Variants in KLHL15 observed in about 807,000 individuals in gnomAD.
The protein encoded by KLHL15 is kelch-like protein 15.
In KLHL15, 1 loss-of-function variant was observed where a neutral mutation model predicts 29.3. That is an observed-to-expected ratio of 0.03 (90% CI 0.01 to 0.16). The LOEUF (loss-of-function observed/expected upper bound fraction) is 0.16, where lower values mean the gene tolerates loss of function less well. Ranked by LOEUF, KLHL15 falls within the 10% of genes least tolerant of loss-of-function variation. The pLI is 1.00. For synonymous variants in KLHL15, 212 were observed against 184.5 expected, an observed-to-expected ratio of 1.15 and a Z score of -1.21; for missense variants, 215 against 478.5, an observed-to-expected ratio of 0.45 and a Z score of 5.14.
chrX:24,009,187 T>C lies in KLHL15; in HGVS notation c.-7-2487A>G, dbSNP rs769790681. Reference sequence around the variant, plus strand: ...CAGCCTGGGCAACATGGTAAAACCCTGTCTCTACTAAAAATACAAAAATTA... The same window carrying C: ...CAGCCTGGGCAACATGGTAAAACCCCGTCTCTACTAAAAATACAAAAATTA... On this transcript the variant is annotated intron_variant, in intron 2 of 3. Coordinates refer to ENST00000328046, the MANE Select transcript of KLHL15 (RefSeq NM_030624.3). Among the ~76,000 whole-genome samples, 4 of 109,646 alleles carry C rather than the reference T, an allele frequency of 3.6e-5. No individual in the cohort carries two copies. In the East Asian group the frequency reaches 1.2e-3, roughly 32 times the overall value.
intron 3 of KLHL15, among the ~76,000 whole-genome samples, chrX:24,003,463 G>A (rs1248617854): frequency 9.3e-6 from 1 of 107,313 alleles, no homozygotes; most frequent in Admixed American, 1.0e-4. Context: ...TGAGGCAGGA[G>A]AATGGCGTGA....
chrX:24,008,344 G>A lies in KLHL15; in HGVS notation c.-7-1644C>T, dbSNP rs1041555381. Among the ~76,000 whole-genome samples the A allele has an allele frequency of 6.3e-5, 7 of 111,699 alleles. No individual in the cohort carries two copies. In the East Asian group the frequency reaches 1.1e-3, roughly 18 times the overall value. On this transcript the variant is annotated intron_variant, in intron 2 of 3. Transcript: ENST00000328046. ...CAACCTCCGCCTCCCGGGTTCAAGC[G>A]ATTCTTGTGCCTCAGCCTCCCGAGT...
chrX:23,990,213 G>A (rs182196695), intron 3 of KLHL15, among the ~76,000 whole-genome samples: 8 of 111,607 alleles, frequency 7.2e-5, no homozygotes, highest in East Asian at 2.8e-4. Flanking sequence ...AAAAATAAGC[G>A]TAAGATGTGA....
chrX:24,020,217 C>T (rs775327021), intron 2 of KLHL15, among the ~76,000 whole-genome samples: 1 of 111,957 alleles, frequency 8.9e-6, no homozygotes, highest in Non-Finnish European at 1.9e-5. Context: ...CTTCTGTAAC[C>T]CATAAAGTAA....
chrX:24,002,762 G>A (rs369192636), intron 3 of KLHL15, among the ~76,000 whole-genome samples: 1 of 110,837 alleles, frequency 9.0e-6, no homozygotes, highest in African/African-American at 3.3e-5. Flanking sequence ...CCCAGTAGCT[G>A]GGACTCCAGG....
rs753633152 is a variant in KLHL15, at chrX:23,995,692, T to C, written c.706-6662A>G. ...TGCCTGCCTCAGCCTTCCGAAGTACTGGGATTACAGGCATGAGCCACCGTG... is the reference window on the plus strand; with the variant it reads ...TGCCTGCCTCAGCCTTCCGAAGTACCGGGATTACAGGCATGAGCCACCGTG... On this transcript the variant is annotated intron_variant, in intron 3 of 3. Coordinates refer to ENST00000328046, the MANE Select transcript of KLHL15 (RefSeq NM_030624.3). Among the ~76,000 whole-genome samples the C allele has an allele frequency of 3.8e-3, 419 of 110,902 alleles. 4 individuals are homozygous for C. The highest frequency in any genetic ancestry group is 0.013 in the African/African-American group (401 of 30,500).
intron 2 of KLHL15, among the ~76,000 whole-genome samples, chrX:24,009,749 G>A (rs906883601): frequency 1.9e-5 from 2 of 106,060 alleles, no homozygotes; most frequent in East Asian, 5.9e-4. Context: ...CAACACTTTG[G>A]GAGGCTGAGG....
chrX:23,987,801 CAAT>C lies in KLHL15; in HGVS notation c.*117_*119del, dbSNP rs1929012270. 3 of 670,536 alleles carry C rather than the reference CAAT, an allele frequency of 4.5e-6. No individual in the cohort carries two copies. In the East Asian group the frequency reaches 1.1e-4, roughly 24 times the overall value. 55.3% of individuals were successfully genotyped at this position (670,536 alleles called of 1,213,427 possible). ...GCTAGCACAGAATGAAAAATTCTTACAATGTTAGACCAATGGCTTTGATAGTAA... is the reference window on the plus strand; with the variant it reads ...GCTAGCACAGAATGAAAAATTCTTACGTTAGACCAATGGCTTTGATAGTAA... On this transcript the variant is annotated 3_prime_UTR_variant, in exon 4 of 4. Transcript: ENST00000328046.
At chrX:24,020,622 A>G (rs1329031972) in intron 2 of KLHL15, among the ~76,000 whole-genome samples, 5 of 111,053 alleles carry the variant, frequency 4.5e-5, no homozygotes, top group Admixed American at 2.9e-4. Context: ...CTTGAATGCT[A>G]TTTTTCATCA....
chrX:24,023,147 C>T (rs1929847937), intron 2 of KLHL15, among the ~76,000 whole-genome samples: 2 of 111,837 alleles, frequency 1.8e-5, no homozygotes, highest in South Asian at 7.4e-4. Flanking sequence ...CCCAGTTTTA[C>T]ATGCAGATTA....
chrX:23,993,836 C>G (rs898167134), intron 3 of KLHL15, among the ~76,000 whole-genome samples: 2 of 108,933 alleles, frequency 1.8e-5, no homozygotes, highest in Non-Finnish European at 3.8e-5. Flanking sequence ...TGAGACCAGC[C>G]TGGGCAACAT....
chrX:23,989,273 C>G (rs779636989), intron 3 of KLHL15, among the ~76,000 whole-genome samples: 1 of 108,865 alleles, frequency 9.2e-6, no homozygotes, highest in African/African-American at 3.3e-5. Context: ...TCACCGCAAG[C>G]TCCGCCTCCC....
rs1406201499 is a variant in KLHL15 at position 23,986,016 on chromosome X, G to C, written c.*1905C>G. On this transcript the variant is annotated 3_prime_UTR_variant, in exon 4 of 4. Transcript: ENST00000328046. ...CAAATTTCATGTTTGGAAACTGTAA[G>C]TAAATGACAGGACTAGTTAATGAAA... is the stretch of plus-strand genomic sequence containing the variant. 2 of 111,321 alleles carry C rather than the reference G, an allele frequency of 1.8e-5. No individual in the cohort carries two copies. The highest frequency in any genetic ancestry group is 3.8e-5 in the Non-Finnish European group (2 of 53,004). 9.2% of individuals were successfully genotyped at this position (111,321 alleles called of 1,213,427 possible). A position where few individuals can be genotyped will look rare whatever the true frequency, so the allele number is the denominator to read the frequency against.
chrX:24,018,226 C>T (rs888418531), intron 2 of KLHL15, among the ~76,000 whole-genome samples: 6 of 111,649 alleles, frequency 5.4e-5, no homozygotes, highest in Non-Finnish European at 1.1e-4. Context: ...GTGCGTAGCC[C>T]CACTCTCCCA....
intron 3 of KLHL15, among the ~76,000 whole-genome samples, chrX:24,001,709 C>T (rs1173683417): frequency 1.1e-5 from 1 of 95,010 alleles, no homozygotes; most frequent in Admixed American, 1.4e-4. Flanking sequence ...GAGGCTGAGG[C>T]AGGAGAATCG....
At chrX:24,022,342 A>T (rs1366301484) in intron 2 of KLHL15, among the ~76,000 whole-genome samples, 22 of 55,175 alleles carry the variant, frequency 4.0e-4, no homozygotes, top group Middle Eastern at 8.5e-3. Context: ...CTCAAAAGAT[A>T]AAAAAAAAAA....
chrX:23,992,118 G>A (rs144547369), intron 3 of KLHL15, among the ~76,000 whole-genome samples: 1 of 111,980 alleles, frequency 8.9e-6, no homozygotes, highest in African/African-American at 3.2e-5. Context: ...TAAGCACCAT[G>A]TCTGGTGATT....
rs143944193 is a variant in KLHL15 at position 24,018,717 on chromosome X, G to C, written c.-8+6140C>G. Among the ~76,000 whole-genome samples, 1,153 of 111,430 alleles carry C rather than the reference G, an allele frequency of 0.01. 15 individuals carry two copies. In the South Asian group the frequency reaches 0.12, roughly 11 times the overall value. ...CCAAATAATTTTTTTAAAGTTATTG[G>C]TCAGCCGGGCACAGTGGCTCACATC... is the stretch of plus-strand genomic sequence containing the variant. On this transcript the variant is annotated intron_variant, in intron 2 of 3. Coordinates refer to ENST00000328046, the MANE Select transcript of KLHL15 (RefSeq NM_030624.3).
At chrX:24,013,944 T>G (rs1279284739) in intron 2 of KLHL15, among the ~76,000 whole-genome samples, 3 of 111,234 alleles carry the variant, frequency 2.7e-5, no homozygotes, top group Non-Finnish European at 5.7e-5. Flanking sequence ...AGGATCATTA[T>G]GGTCACCAAC....
Sources: allele counts gnomAD v4.1 joint callset (sites outside exome capture counted in the v4.1 genomes callset), GRCh38; gene constraint gnomAD v4.1.1; transcripts MANE v1.5; gene names NCBI Gene and HGNC (gene_info 2026-07-23, HGNC 2026-07-21).